The following SUMF1 variants were observed in gnomAD, a reference collection of about 807,000 sequenced individuals.
SUMF1 encodes sulfatase modifying factor 1.
In SUMF1, 48 loss-of-function variants were observed where a neutral mutation model predicts 47.6. That is an observed-to-expected ratio of 1.01 (90% CI 0.80 to 1.28). The LOEUF (loss-of-function observed/expected upper bound fraction) is 1.28. Among genes scored for constraint, SUMF1 ranks in the 50% most tolerant of loss-of-function variants. The pLI, the probability that SUMF1 is intolerant of heterozygous loss-of-function variation, is 0.00. For missense variants in SUMF1, 571 were observed against 485.4 expected, an observed-to-expected ratio of 1.18 and a Z score of -1.66; for synonymous variants, 230 against 192.1, an observed-to-expected ratio of 1.20 and a Z score of -1.63.
chr3:4,249,724 G>C (rs985913091), intron 8 of SUMF1, among the ~76,000 whole-genome samples: 2 of 152,136 alleles, frequency 1.3e-5, no homozygotes, highest in Non-Finnish European at 2.9e-5. Flanking sequence ...TAAATCAAGA[G>C]AGTTAGAAAT....
rs760376587 is a variant in SUMF1 at position 4,376,361 on chromosome 3, A to G, written c.983T>C (p.Val328Ala). The G allele has an allele frequency of 6.2e-7, 1 of 1,614,078 alleles. No individual in the cohort carries two copies. Among genetic ancestry groups the G allele is most frequent in the South Asian group, 1.1e-5 (1 of 91,074 alleles). Residue 328 changes from valine to alanine, a missense_variant, in exon 8 of 9, where the codon GTG becomes GCG. By Grantham distance (64) the Val-to-Ala change is moderately conservative. Coordinates refer to ENST00000272902, the MANE Select transcript of SUMF1 (RefSeq NM_182760.4). ...PKGPPSGKDR[V>A]KKGGSYMCHR... ...GCACATGTAGGATCCACCTTTCTTCACTCGGTCTTTCCCAGAAGGGGGACC... is the reference window on the plus strand; with the variant it reads ...GCACATGTAGGATCCACCTTTCTTCGCTCGGTCTTTCCCAGAAGGGGGACC...
intron 8 of SUMF1, among the ~76,000 whole-genome samples, chr3:4,263,923 G>A (rs1426528552): frequency 1.3e-5 from 2 of 152,058 alleles, no homozygotes; most frequent in East Asian, 1.9e-4. Flanking sequence ...GTGACAGAGG[G>A]CCCAAAGATA....
intron 8 of SUMF1, among the ~76,000 whole-genome samples, chr3:4,139,453 TTTA>T (rs1021911700): frequency 3.3e-5 from 5 of 151,940 alleles, no homozygotes; most frequent in African/African-American, 4.8e-5. Context: ...TCATGTATAT[TTTA>T]TTATTAAGTG....
intron 8 of SUMF1, among the ~76,000 whole-genome samples, chr3:4,274,326 G>C (rs1055397134): frequency 6.6e-6 from 1 of 152,128 alleles, no homozygotes; most frequent in Non-Finnish European, 1.5e-5. Context: ...AGGGGGCAAA[G>C]GGAGAAGTGA....
intron 8 of SUMF1, among the ~76,000 whole-genome samples, chr3:4,355,124 T>G (rs777419192): frequency 6.6e-6 from 1 of 152,076 alleles, no homozygotes; most frequent in Non-Finnish European, 1.5e-5. Flanking sequence ...CTGAGGCAAG[T>G]GGATTGCTTG....
chr3:4,317,017 T>A, intron 8 of SUMF1: 1 of 1,549,350 alleles, frequency 6.5e-7, no homozygotes, highest in Non-Finnish European at 8.7e-7. Flanking sequence ...GGCTATGAAG[T>A]TTTGCCTCAT....
intron 8 of SUMF1, among the ~76,000 whole-genome samples, chr3:4,086,734 T>C (rs1193964119): frequency 6.6e-6 from 1 of 152,042 alleles, no homozygotes; most frequent in Non-Finnish European, 1.5e-5. Context: ...GTGGGAGGGA[T>C]CCAGTGGAAG....
In SUMF1 at chr3:4,336,644, T is replaced by A. The variant is rs924369236; in HGVS notation, c.1014+39686A>T. Among the ~76,000 whole-genome samples the A allele has an allele frequency of 3.3e-5, 5 of 152,344 alleles. No homozygotes were observed. In the South Asian group the frequency reaches 1.0e-3, roughly 32 times the overall value. On this transcript the variant is annotated intron_variant and NMD_transcript_variant, in intron 8 of 12. Coordinates refer to the SUMF1 transcript ENST00000448413. ...AAAGGAAGCCAAGAAGAACAAATTA[T>A]ATGGAAAAATATATGATAATTTATT...
At chr3:4,350,355 ATAATT>A in intron 8 of SUMF1, among the ~76,000 whole-genome samples, 1 of 53,490 alleles carries the variant, frequency 1.9e-5, no homozygotes, top group Non-Finnish European at 4.0e-5. Flanking sequence ...GTGTGTGTGT[ATAATT>A]GTGTGTGTAT....
At chr3:4,355,055 T>C (rs990410071) in intron 8 of SUMF1, among the ~76,000 whole-genome samples, 11 of 152,168 alleles carry the variant, frequency 7.2e-5, no homozygotes, top group Non-Finnish European at 1.3e-4. Flanking sequence ...AAACTGCCTT[T>C]TAAAGACAGT....
chr3:4,038,361 T>C (rs144614485), intron 9 of SUMF1, among the ~76,000 whole-genome samples: 1,554 of 152,218 alleles, frequency 0.01, 12 homozygotes, highest in Non-Finnish European at 0.017. Context: ...ACTGGCCTCC[T>C]CCCCATAGGT....
At chr3:4,337,182 TG>T (rs1277070623) in intron 8 of SUMF1, among the ~76,000 whole-genome samples, 42 of 99,362 alleles carry the variant, frequency 4.2e-4, no homozygotes, top group Admixed American at 1.1e-3. Flanking sequence ...GTCTCTTTTC[TG>T]TCCCTCCCTC....
At chr3:4,294,391 T>C (rs917004610) in intron 8 of SUMF1, among the ~76,000 whole-genome samples, 2 of 152,114 alleles carry the variant, frequency 1.3e-5, no homozygotes, top group East Asian at 1.9e-4. Flanking sequence ...TGCAAGACCC[T>C]ATCTCTACAA....
chr3:4,209,012 T>A (rs1485254), intron 8 of SUMF1, among the ~76,000 whole-genome samples: 94,540 of 151,984 alleles, frequency 0.62, 29,647 homozygotes, highest in South Asian at 0.71. Context: ...ATGAGTTGGG[T>A]AGAAGTTCTC....
intron 8 of SUMF1, among the ~76,000 whole-genome samples, chr3:4,308,358 A>C (rs1698274134): frequency 6.6e-6 from 1 of 152,188 alleles, no homozygotes. Flanking sequence ...TTTTTAAGCC[A>C]GTTCTGTCAT....
intron 8 of SUMF1, among the ~76,000 whole-genome samples, chr3:4,125,894 C>A (rs1375395387): frequency 6.6e-6 from 1 of 152,040 alleles, no homozygotes. Flanking sequence ...CCAGGCTGGT[C>A]TCAAACTTCT....
At chr3:4,171,639 G>T (rs1694834474) in intron 8 of SUMF1, among the ~76,000 whole-genome samples, 1 of 152,120 alleles carries the variant, frequency 6.6e-6, no homozygotes, top group Non-Finnish European at 1.5e-5. Context: ...GCACAAAGAG[G>T]CAGTACTCAA....
At chr3:4,282,789 C>T (rs1419773994) in intron 8 of SUMF1, among the ~76,000 whole-genome samples, 2 of 152,184 alleles carry the variant, frequency 1.3e-5, no homozygotes, top group Admixed American at 6.5e-5. Context: ...ATGTTCCTTT[C>T]TCCCATGACT....
intron 8 of SUMF1, among the ~76,000 whole-genome samples, chr3:4,131,971 C>A (rs1297410122): frequency 6.6e-6 from 1 of 152,106 alleles, no homozygotes; most frequent in Non-Finnish European, 1.5e-5. Context: ...CTGGCTACAG[C>A]CAGTGCTGAG....
Sources: gnomAD v4.1 joint callset for allele counts (sites outside exome capture counted in the v4.1 genomes callset) on GRCh38, gnomAD v4.1.1 for gene constraint, MANE v1.5 for transcripts, NCBI Gene and HGNC (gene_info 2026-07-23, HGNC 2026-07-21) for gene names.